Variants in PDE7A observed in about 807,000 individuals in gnomAD.
PDE7A encodes phosphodiesterase 7A.
Under a neutral mutation model 64.3 loss-of-function variants are expected in PDE7A, and 39 were observed. The observed-to-expected ratio is 0.61, with a 90% CI of 0.47 to 0.79. The LOEUF is 0.79. PDE7A is among the 30% of genes least tolerant of loss of function. PDE7A has a pLI of 0.00. For synonymous variants in PDE7A, 203 were observed against 206.8 expected, an observed-to-expected ratio of 0.98 and a Z score of 0.16; for missense variants, 470 against 582.8, an observed-to-expected ratio of 0.81 and a Z score of 1.99.
intron 11 of PDE7A, 83 bp downstream of exon 11, chr8:65,724,172 T>A (rs1806510973): frequency 1.2e-6 from 1 of 825,338 alleles, no homozygotes; most frequent in African/African-American, 1.7e-5. Flanking sequence ...TAGACCCATA[T>A]AAATTATTGA....
intron 3 of PDE7A, among the ~76,000 whole-genome samples, chr8:65,776,204 T>C (rs1205262796): frequency 1.3e-5 from 2 of 152,204 alleles, no homozygotes; most frequent in Non-Finnish European, 1.5e-5. Context: ...TTGCTATTTC[T>C]ACCCATTGCA....
At chr8:65,790,304 AT>A (rs958468685) in intron 1 of PDE7A, among the ~76,000 whole-genome samples, 1 of 152,074 alleles carries the variant, frequency 6.6e-6, no homozygotes, top group Non-Finnish European at 1.5e-5. Context: ...ACTGTAGTAG[AT>A]TTTGCTTTTT....
intron 1 of PDE7A, among the ~76,000 whole-genome samples, chr8:65,793,511 T>G (rs1585922837): frequency 1.4e-5 from 2 of 147,054 alleles, no homozygotes; most frequent in African/African-American, 5.0e-5. Flanking sequence ...GCAAATATGG[T>G]TAAATTCTAA....
chr8:65,837,108 A>G (rs891020767), intron 1 of PDE7A, among the ~76,000 whole-genome samples: 1 of 152,214 alleles, frequency 6.6e-6, no homozygotes, highest in African/African-American at 2.4e-5. Flanking sequence ...TTTCTCTATC[A>G]CAATTCTGTA....
At position 65,750,474 on chromosome 8, in the gene PDE7A, C is replaced by CTGTGTGTGTGTGTGTG. The variant is rs371620919; in HGVS notation, c.284-2687_284-2672dup. ...TATGTATATATGTAAATTAGAATCA[C>CTGTGTGTGTGTGTGTG]TGTGTGTGTGTGTGTGTGTGTGTGT... On this transcript the variant is annotated intron_variant, in intron 3 of 12. Coordinates refer to ENST00000401827, the MANE Select transcript of PDE7A (RefSeq NM_001242318.3). 4.3e-3 allele frequency among the ~76,000 whole-genome samples: 611 copies of CTGTGTGTGTGTGTGTG among 142,618 alleles called. 1 individual carries two copies. Among genetic ancestry groups the CTGTGTGTGTGTGTGTG allele is most frequent in the Non-Finnish European group, 4.6e-3 (300 of 65,284 alleles). The allele number at this position is 142,618 out of a possible 152,430, so 93.6% of individuals were successfully genotyped here.
At chr8:65,840,193 A>G (rs1157034976) in intron 1 of PDE7A, among the ~76,000 whole-genome samples, 1 of 152,194 alleles carries the variant, frequency 6.6e-6, no homozygotes, top group Non-Finnish European at 1.5e-5. Context: ...CATTATAGTA[A>G]TTTTCACAAG....
intron 4 of PDE7A, among the ~76,000 whole-genome samples, chr8:65,746,242 G>A (rs1807671429): frequency 6.6e-6 from 1 of 151,858 alleles, no homozygotes; most frequent in Non-Finnish European, 1.5e-5. Context: ...CCCAGGCATT[G>A]TTTTCAATTC....
At chr8:65,827,343 TATG>T (rs1157150728) in intron 1 of PDE7A, among the ~76,000 whole-genome samples, 1 of 152,230 alleles carries the variant, frequency 6.6e-6, no homozygotes. Context: ...GGTAATATTC[TATG>T]ATCTTAAGCC....
intron 1 of PDE7A, among the ~76,000 whole-genome samples, chr8:65,815,774 T>C (rs556446639): frequency 2.0e-5 from 3 of 152,220 alleles, no homozygotes; most frequent in Admixed American, 6.5e-5. Flanking sequence ...TTTCAGATCC[T>C]ATGTTGTAAC....
chr8:65,769,620 G>A (rs1808979217), intron 3 of PDE7A, among the ~76,000 whole-genome samples: 1 of 152,190 alleles, frequency 6.6e-6, no homozygotes, highest in Non-Finnish European at 1.5e-5. Flanking sequence ...TCTAGACTGG[G>A]TGCGGTAGCT....
chr8:65,719,266 A>G lies in PDE7A; in HGVS notation c.*24T>C. Reference sequence around the variant, plus strand: ...ACATTTCTAAAAACCTCCAGGAGGCAGTTTGTCCCACTGGTTCTGGGGGTT... The same window carrying G: ...ACATTTCTAAAAACCTCCAGGAGGCGGTTTGTCCCACTGGTTCTGGGGGTT... On this transcript the variant is annotated 3_prime_UTR_variant, in exon 13 of 13. Transcript: ENST00000401827. 1 of 1,542,400 alleles carries G rather than the reference A, an allele frequency of 6.5e-7. No individual in the cohort carries two copies. Among genetic ancestry groups the G allele is most frequent in the Non-Finnish European group, 9.0e-7 (1 of 1,114,660 alleles).
At chr8:65,836,135 G>T (rs1460736963) in intron 1 of PDE7A, among the ~76,000 whole-genome samples, 1 of 152,098 alleles carries the variant, frequency 6.6e-6, no homozygotes, top group African/African-American at 2.4e-5. Flanking sequence ...CTTCCCTTGG[G>T]GTATCCCACT....
intron 1 of PDE7A, chr8:65,788,809 C>A: frequency 1.0e-6 from 1 of 973,246 alleles, no homozygotes; most frequent in Non-Finnish European, 1.6e-6. Flanking sequence ...AGGAGAAAAT[C>A]GAGCTATTTA....
At chr8:65,760,449 C>T (rs1338351330) in intron 3 of PDE7A, among the ~76,000 whole-genome samples, 1 of 152,214 alleles carries the variant, frequency 6.6e-6, no homozygotes, top group Non-Finnish European at 1.5e-5. Flanking sequence ...AATAGATTCC[C>T]TTAGAATAAG....
At chr8:65,719,739 T>C (rs960328863) in intron 12 of PDE7A, 1 of 486,622 alleles carries the variant, frequency 2.1e-6, no homozygotes. Flanking sequence ...ATATCTAACC[T>C]TTTCTGGTTA....
At chr8:65,815,618 TAGTC>T (rs1039469073) in intron 1 of PDE7A, among the ~76,000 whole-genome samples, 36 of 141,916 alleles carry the variant, frequency 2.5e-4, no homozygotes, top group African/African-American at 9.9e-4. Flanking sequence ...AATGAAAGAA[TAGTC>T]AGATGATTCT....
In PDE7A at chr8:65,779,701, C is replaced by CA; in HGVS notation, c.283+18dup. On this transcript the variant is annotated intron_variant, in intron 3 of 12. Coordinates refer to ENST00000401827, the MANE Select transcript of PDE7A (RefSeq NM_001242318.3). Reference sequence around the variant, plus strand: ...TTTGTAGTGAAAATCCGAGAAACTTCATGTCTACCAACACTTACAGTGGAA... The same window carrying CA: ...TTTGTAGTGAAAATCCGAGAAACTTCAATGTCTACCAACACTTACAGTGGAA... 1 of 1,286,170 alleles carries CA rather than the reference C, an allele frequency of 7.8e-7. No homozygotes were observed. Among genetic ancestry groups the CA allele is most frequent in the Non-Finnish European group, 1.1e-6 (1 of 907,536 alleles). 79.7% of individuals were successfully genotyped at this position (1,286,170 alleles called of 1,614,324 possible). A position where few individuals can be genotyped will look rare whatever the true frequency, so the allele number is the denominator to read the frequency against.
At chr8:65,801,404 CAAGTA>C (rs1406950678) in intron 1 of PDE7A, among the ~76,000 whole-genome samples, 8 of 152,126 alleles carry the variant, frequency 5.3e-5, no homozygotes, top group Admixed American at 3.9e-4. Context: ...AGGAATGCAA[CAAGTA>C]AAGTAATGAA....
chr8:65,837,406 T>G (rs1022625309), intron 1 of PDE7A, among the ~76,000 whole-genome samples: 9 of 152,202 alleles, frequency 5.9e-5, no homozygotes, highest in African/African-American at 2.2e-4. Flanking sequence ...TGGATATCAA[T>G]CAGACTTTTT....
Sources: gnomAD v4.1 joint callset for allele counts (sites outside exome capture counted in the v4.1 genomes callset) on GRCh38, gnomAD v4.1.1 for gene constraint, MANE v1.5 for transcripts, NCBI Gene and HGNC (gene_info 2026-07-23, HGNC 2026-07-21) for gene names.